Variants in NAAA observed in about 807,000 individuals in gnomAD.
NAAA encodes the protein N-acylethanolamine acid amidase, also known as N-acylethanolamine-hydrolyzing acid amidase.
A neutral mutation model predicts 44.8 loss-of-function variants in NAAA; 39 were observed. The observed-to-expected ratio is 0.87, with a 90% CI of 0.67 to 1.14. The LOEUF (loss-of-function observed/expected upper bound fraction) is 1.14, where lower values mean the gene tolerates loss of function less well. NAAA is among the 50% of genes most tolerant of loss of function. NAAA has a pLI of 0.00. For missense variants in NAAA, 460 were observed against 467.8 expected (o/e 0.98, Z 0.15); for synonymous variants, 178 against 191.3 (o/e 0.93, Z 0.58).
At chr4:75,934,179 T>C (rs1365611634) in intron 3 of NAAA, among the ~76,000 whole-genome samples, 1 of 151,864 alleles carries the variant, frequency 6.6e-6, no homozygotes, top group Non-Finnish European at 1.5e-5. Context: ...GCCATGTCTC[T>C]AGAGGCCTTG....
At chr4:75,931,434 T>C (rs1205120854) in intron 3 of NAAA, 130 bp from the exon 4 acceptor site, 1 of 600,310 alleles carries the variant, frequency 1.7e-6, no homozygotes, top group South Asian at 2.5e-5. Context: ...AACTCTGAAA[T>C]AGTCTTCTAA....
chr4:75,917,731 G>T, intron 9 of NAAA: 2 of 386,508 alleles, frequency 5.2e-6, no homozygotes, highest in South Asian at 1.9e-5. Flanking sequence ...CTCCCAAAGG[G>T]CTGGGATTAC....
intron 5 of NAAA, 32 bp downstream of exon 5, chr4:75,925,703 G>A: frequency 6.2e-7 from 1 of 1,604,496 alleles, no homozygotes; most frequent in Non-Finnish European, 8.5e-7. Context: ...TGGAGGTGGA[G>A]TTAAGGAGGG....
At position 75,913,868 on chromosome 4, in the gene NAAA, G is replaced by A. The variant is rs532903688; in HGVS notation, c.*507C>T. 1 of 985,048 alleles carries A rather than the reference G, an allele frequency of 1.0e-6. No homozygotes were observed. The highest frequency in any genetic ancestry group is 6.2e-5 in the Admixed American group (1 of 16,250). The allele number at this position is 985,048 out of a possible 1,614,324, so 61.0% of individuals were successfully genotyped here. A position where few individuals can be genotyped will look rare whatever the true frequency, so the allele number is the denominator to read the frequency against. On this transcript the variant is annotated 3_prime_UTR_variant, in exon 11 of 11. Transcript: ENST00000286733. ...AGACTCCCATTACATGGAAACACATGATCAAAGATCAGACTAACACACATT... is the reference window on the plus strand; with the variant it reads ...AGACTCCCATTACATGGAAACACATAATCAAAGATCAGACTAACACACATT...
At chr4:75,911,222 C>A, downstream of NAAA, 1 of 463,176 alleles carries the variant, frequency 2.2e-6, no homozygotes, top group Admixed American at 2.4e-5. Context: ...CAGGAACTGG[C>A]TATTTTCTCT....
chr4:75,916,779 T>C (rs1209477776), intron 9 of NAAA, among the ~76,000 whole-genome samples: 5 of 5,386 alleles, frequency 9.3e-4, no homozygotes, highest in Middle Eastern at 0.031. Context: ...TCATCACTTC[T>C]TTTTTTTTTT....
At chr4:75,928,663 G>T (rs942706268) in intron 4 of NAAA, among the ~76,000 whole-genome samples, 2 of 152,088 alleles carry the variant, frequency 1.3e-5, no homozygotes, top group Non-Finnish European at 2.9e-5. Context: ...CTCAGAGGAG[G>T]CCAGGCCTGG....
intron 3 of NAAA, 136 bp downstream of exon 3, chr4:75,935,973 G>T (rs1727668728): frequency 1.0e-6 from 1 of 973,170 alleles, no homozygotes; most frequent in Non-Finnish European, 1.5e-6. Flanking sequence ...CTCTCTTCTG[G>T]CTTTGTTTTT....
chr4:75,936,543 C>T (rs1226609490), intron 2 of NAAA, among the ~76,000 whole-genome samples: 1 of 152,196 alleles, frequency 6.6e-6, no homozygotes, highest in Non-Finnish European at 1.5e-5. Context: ...ACTAACCCAT[C>T]CTGGGCTCAG....
rs1728222003 is a variant in NAAA at position 75,940,862 on chromosome 4, G to GCGAGGCGGCTGACAGCGC, written c.87_88insGCGCTGTCAGCCGCCTCG (p.Ser29_Pro30insAlaLeuSerAlaAlaSer). ...ACGTTGAAGCGCGGCGCTGCTGGGG[G>GCGAGGCGGCTGACAGCGC]CGAGGCGGCTGACAGCCCGGCCCCG... On this transcript the variant is annotated inframe_insertion, in exon 1 of 11. Transcript: ENST00000286733. The GCGAGGCGGCTGACAGCGC allele has an allele frequency of 1.9e-6, 3 of 1,578,794 alleles. No homozygotes were observed. The highest frequency in any genetic ancestry group is 2.6e-6 in the Non-Finnish European group (3 of 1,171,734).
intron 5 of NAAA, among the ~76,000 whole-genome samples, chr4:75,925,028 A>T (rs538964187): frequency 2.0e-5 from 3 of 149,602 alleles, no homozygotes; most frequent in African/African-American, 7.4e-5. Context: ...TTTTGCTCTT[A>T]TTGACCAGGC....
intron 2 of NAAA, among the ~76,000 whole-genome samples, chr4:75,937,528 C>G (rs185081579): frequency 6.6e-6 from 1 of 152,308 alleles, no homozygotes; most frequent in African/African-American, 2.4e-5. Context: ...CTCTGTCACC[C>G]AGGCTGGAGT....
At chr4:75,913,418 C>T (rs1431796683), downstream of NAAA, among the ~76,000 whole-genome samples, 1 of 152,076 alleles carries the variant, frequency 6.6e-6, no homozygotes, top group East Asian at 1.9e-4. Flanking sequence ...AAATAACTCT[C>T]TCATGGACTG....
chr4:75,914,453 C>A, intron 10 of NAAA, 115 bp from the exon 11 acceptor site: 2 of 334,698 alleles, frequency 6.0e-6, no homozygotes, highest in Non-Finnish European at 8.5e-6. Flanking sequence ...CAGCTCACTA[C>A]AAACTCCACC....
Position 75,925,939 on chromosome 4 carries a change from C to T in NAAA, c.590-128G>A. 3.6e-6 allele frequency: 3 copies of T among 829,350 alleles called. No homozygotes were observed. In the East Asian group the frequency reaches 8.0e-5, roughly 22 times the overall value. 51.4% of individuals were successfully genotyped at this position (829,350 alleles called of 1,614,324 possible). A position where few individuals can be genotyped will look rare whatever the true frequency, so the allele number is the denominator to read the frequency against. Reference sequence around the variant, plus strand: ...AGTTTTGAAAGCAGAATCTTTTGTACCAGGATACAATGATAGTTATGTCAA... The same window carrying T: ...AGTTTTGAAAGCAGAATCTTTTGTATCAGGATACAATGATAGTTATGTCAA... On this transcript the variant is annotated intron_variant, in intron 4 of 10. Coordinates refer to ENST00000286733, the MANE Select transcript of NAAA (RefSeq NM_014435.4).
intron 6 of NAAA, 57 bp downstream of exon 6, chr4:75,920,894 C>T (rs972821428): frequency 2.8e-5 from 45 of 1,611,048 alleles, no homozygotes; most frequent in Middle Eastern, 1.6e-4. Context: ...CTCATTTCAC[C>T]GATTAAAAAA....
chr4:75,930,411 C>A (rs1727123392), intron 4 of NAAA: 1 of 504,248 alleles, frequency 2.0e-6, no homozygotes, highest in Admixed American at 2.1e-5. Context: ...CATCTCACAG[C>A]CTATTTCTTT....
chr4:75,933,356 C>T (rs28516016), intron 3 of NAAA, among the ~76,000 whole-genome samples: 93,164 of 151,438 alleles, frequency 0.62, 29,118 homozygotes, highest in Non-Finnish European at 0.65. Flanking sequence ...GTGTCCTTAG[C>T]TTTATAAATG....
chr4:75,919,486 A>AT (rs977273528), intron 8 of NAAA: 3,207 of 170,850 alleles, frequency 0.019, no homozygotes, highest in Middle Eastern at 0.043. Context: ...ATGTCATATA[A>AT]TTTTTTTTTT....
Sources: allele counts gnomAD v4.1 joint callset (sites outside exome capture counted in the v4.1 genomes callset), GRCh38; gene constraint gnomAD v4.1.1; transcripts MANE v1.5; gene names NCBI Gene and HGNC (gene_info 2026-07-23, HGNC 2026-07-21).